UBAC2: variants seen among roughly 807,000 people sequenced by gnomAD.
UBAC2 encodes UBA domain containing 2.
Under a neutral mutation model 44.0 loss-of-function variants are expected in UBAC2, and 26 were observed. The ratio of observed to expected loss-of-function variants is 0.59; its 90% CI spans 0.43 to 0.82. The LOEUF is 0.82. Ranked by LOEUF, UBAC2 falls within the 40% of genes least tolerant of loss-of-function variation. The pLI is 0.00. For synonymous variants in UBAC2, 155 were observed against 154.3 expected, an observed-to-expected ratio of 1.00 and a Z score of -0.04; for missense variants, 329 against 419.4, an observed-to-expected ratio of 0.78 and a Z score of 1.88.
intron 4 of UBAC2, among the ~76,000 whole-genome samples, chr13:99,276,928 G>A (rs1461310806): frequency 1.3e-5 from 2 of 152,170 alleles, no homozygotes; most frequent in African/African-American, 2.4e-5. Flanking sequence ...GCTGTGCAGT[G>A]CTCTGCCTTC....
chr13:99,357,250 G>A (rs1324544217), intron 7 of UBAC2, among the ~76,000 whole-genome samples: 1 of 152,154 alleles, frequency 6.6e-6, no homozygotes, highest in Non-Finnish European at 1.5e-5. Flanking sequence ...TGTAGTAGGC[G>A]ATCACATCTA....
At chr13:99,335,773 G>A (rs2138818675) in intron 6 of UBAC2, among the ~76,000 whole-genome samples, 1 of 152,304 alleles carries the variant, frequency 6.6e-6, no homozygotes, top group East Asian at 1.9e-4. Context: ...GGCTGCAGTG[G>A]AATGAGCCTC....
chr13:99,351,746 C>T (rs2045093046), intron 7 of UBAC2: 1 of 456,604 alleles, frequency 2.2e-6, no homozygotes, highest in African/African-American at 2.0e-5. Flanking sequence ...TGAATGAATC[C>T]TGCTTGTTGG....
At chr13:99,364,176 T>G (rs992243395) in intron 7 of UBAC2, among the ~76,000 whole-genome samples, 6 of 151,840 alleles carry the variant, frequency 4.0e-5, no homozygotes, top group African/African-American at 1.5e-4. Flanking sequence ...TGCTGTGACT[T>G]GTGCTGAATG....
In UBAC2 at chr13:99,319,994, A is replaced by G. The variant is rs76819734; in HGVS notation, c.561+1925A>G. Among the ~76,000 whole-genome samples the G allele has an allele frequency of 2.4e-4, 36 of 152,370 alleles. No individual in the cohort carries two copies. In the East Asian group the frequency reaches 6.7e-3, roughly 29 times the overall value. Reference sequence around the variant, plus strand: ...AAATATTTTCCAAAAGCATTCAAATATTGAAGTACCTTATTGTATACGATT... The same window carrying G: ...AAATATTTTCCAAAAGCATTCAAATGTTGAAGTACCTTATTGTATACGATT... On this transcript the variant is annotated intron_variant, in intron 6 of 8. Transcript: ENST00000403766.
chr13:99,272,237 T>G (rs1427644072), intron 4 of UBAC2, among the ~76,000 whole-genome samples: 1 of 152,218 alleles, frequency 6.6e-6, no homozygotes, highest in Non-Finnish European at 1.5e-5. Context: ...CAGCCCATAT[T>G]TTAATTTCTA....
intron 7 of UBAC2, among the ~76,000 whole-genome samples, chr13:99,358,534 T>A (rs570207681): frequency 1.3e-4 from 20 of 152,378 alleles, no homozygotes; most frequent in Non-Finnish European, 2.6e-4. Context: ...TATATTTATG[T>A]TAGCAAGTAA....
intron 2 of UBAC2, among the ~76,000 whole-genome samples, chr13:99,242,404 C>T (rs1301661915): frequency 6.9e-6 from 1 of 144,722 alleles, no homozygotes; most frequent in African/African-American, 2.6e-5. Context: ...GTAGGGGCGG[C>T]CGGGCAGAGG....
At chr13:99,292,431 T>G (rs6491495) in intron 4 of UBAC2, among the ~76,000 whole-genome samples, 122,689 of 151,930 alleles carry the variant, frequency 0.81, 50,297 homozygotes, top group Middle Eastern at 0.93. Context: ...CATGAGCCAC[T>G]GCGCCCAGCT....
At chr13:99,314,068 T>C in intron 4 of UBAC2, 29 bp from the exon 5 acceptor site, 4 of 1,589,856 alleles carry the variant, frequency 2.5e-6, no homozygotes, top group South Asian at 2.3e-5. Flanking sequence ...TTCACTATTA[T>C]AGTGATTTTT....
intron 7 of UBAC2, among the ~76,000 whole-genome samples, chr13:99,342,281 C>A (rs1000028324): frequency 1.3e-5 from 2 of 152,178 alleles, no homozygotes; most frequent in Non-Finnish European, 2.9e-5. Flanking sequence ...AAGTCCCATG[C>A]GTACGACCTC....
At chr13:99,225,687 T>G (rs983454543) in intron 1 of UBAC2, among the ~76,000 whole-genome samples, 1 of 152,184 alleles carries the variant, frequency 6.6e-6, no homozygotes, top group Non-Finnish European at 1.5e-5. Context: ...TGAGGGATGC[T>G]GCAACAAGGA....
intron 8 of UBAC2, among the ~76,000 whole-genome samples, chr13:99,369,603 T>C (rs1250433776): frequency 6.6e-6 from 1 of 152,208 alleles, no homozygotes; most frequent in African/African-American, 2.4e-5. Context: ...CAACTTATGA[T>C]ATTTTCAACG....
chr13:99,333,991 C>T (rs2044752453), intron 6 of UBAC2, among the ~76,000 whole-genome samples: 1 of 152,204 alleles, frequency 6.6e-6, no homozygotes, highest in Non-Finnish European at 1.5e-5. Context: ...CTCCGTCACC[C>T]AGGCTGGATG....
chr13:99,301,275 CAG>C (rs2138731638), intron 4 of UBAC2, among the ~76,000 whole-genome samples: 1 of 152,338 alleles, frequency 6.6e-6, no homozygotes, highest in Non-Finnish European at 1.5e-5. Flanking sequence ...ACCTGTGGAA[CAG>C]GGCCCTGTCG....
intron 2 of UBAC2, among the ~76,000 whole-genome samples, chr13:99,239,035 C>G (rs1297515485): frequency 2.0e-5 from 3 of 152,128 alleles, no homozygotes; most frequent in African/African-American, 7.2e-5. Flanking sequence ...AAGTGCTTTT[C>G]AAGGTTTCTG....
chr13:99,284,817 T>G (rs1594086968), intron 4 of UBAC2, among the ~76,000 whole-genome samples: 1 of 152,196 alleles, frequency 6.6e-6, no homozygotes, highest in East Asian at 1.9e-4. Flanking sequence ...ACGATACATA[T>G]TCTAAGGCTG....
At chr13:99,248,948 A>T (rs1422985987) in intron 4 of UBAC2, among the ~76,000 whole-genome samples, 1 of 151,992 alleles carries the variant, frequency 6.6e-6, no homozygotes, top group Non-Finnish European at 1.5e-5. Flanking sequence ...AGTAGCATCT[A>T]CTCAGAGTCA....
intron 4 of UBAC2, among the ~76,000 whole-genome samples, chr13:99,298,724 G>C (rs1477686291): frequency 6.6e-6 from 1 of 152,074 alleles, no homozygotes; most frequent in Non-Finnish European, 1.5e-5. Context: ...GAAAATCATA[G>C]GGATTTCATT....
Sources: allele counts gnomAD v4.1 joint callset (sites outside exome capture counted in the v4.1 genomes callset), GRCh38; gene constraint gnomAD v4.1.1; transcripts MANE v1.5; gene names NCBI Gene and HGNC (gene_info 2026-07-23, HGNC 2026-07-21).